NPHP3: variants seen among roughly 807,000 people sequenced by gnomAD.
NPHP3 encodes the protein nephrocystin 3.
In NPHP3, 123 loss-of-function variants were observed where a neutral mutation model predicts 171.9. The ratio of observed to expected loss-of-function variants is 0.72; its 90% CI spans 0.62 to 0.83. NPHP3 has a LOEUF of 0.83. Ranked by LOEUF, NPHP3 falls within the 40% of genes least tolerant of loss-of-function variation. NPHP3 has a pLI of 0.00. For synonymous variants in NPHP3, 558 were observed against 579.2 expected (o/e 0.96, Z 0.52); for missense variants, 1,506 against 1,591.9 (o/e 0.95, Z 0.92).
At chr3:132,699,255 T>TA (rs1320266533) in intron 13 of NPHP3, 98 bp downstream of exon 13, 5 of 821,952 alleles carry the variant, frequency 6.1e-6, no homozygotes, top group Non-Finnish European at 1.0e-5. Flanking sequence ...GCAAGTTACA[T>TA]AAAAAATGTG....
intron 9 of NPHP3, among the ~76,000 whole-genome samples, chr3:132,703,668 C>T (rs1576675258): frequency 6.6e-6 from 1 of 151,460 alleles, no homozygotes; most frequent in African/African-American, 2.4e-5. Flanking sequence ...CAGCCCTGAC[C>T]TCCTGTGCTC....
In NPHP3 at chr3:132,722,001, G is replaced by A. The variant is rs1258394260; in HGVS notation, c.355C>T (p.Leu119=). ...CGCAGCCGCTTGTTCTCCGTGTCCAGCTTGGCCTCGCGGCGGCCCATGGAC... is the reference window on the plus strand; with the variant it reads ...CGCAGCCGCTTGTTCTCCGTGTCCAACTTGGCCTCGCGGCGGCCCATGGAC... ...LLSMGRREAK[L]DTENKRLRAE... Residue 119 remains leucine (L), a synonymous_variant, in exon 1 of 27, where the codon CTG becomes TTG. Coordinates refer to ENST00000337331, the MANE Select transcript of NPHP3 (RefSeq NM_153240.5). The A allele has an allele frequency of 1.2e-6, 2 of 1,613,182 alleles. No homozygotes were observed. Among genetic ancestry groups the A allele is most frequent in the South Asian group, 1.1e-5 (1 of 91,084 alleles).
In NPHP3 at chr3:132,680,910, CA is replaced by C. The variant is rs1333105101; in HGVS notation, c.*999del. Reference sequence around the variant, plus strand: ...GTCATATCTATATTTTGGGAAAAGTCAAAGAATGCTAAAGAGCTTGACCTGT... The same window carrying C: ...GTCATATCTATATTTTGGGAAAAGTCAAGAATGCTAAAGAGCTTGACCTGT... On this transcript the variant is annotated 3_prime_UTR_variant, in exon 27 of 27. Transcript: ENST00000337331. 2 of 152,078 alleles carry C rather than the reference CA, an allele frequency of 1.3e-5. No individual in the cohort carries two copies. Among genetic ancestry groups the C allele is most frequent in the Non-Finnish European group, 2.9e-5 (2 of 68,004 alleles). 9.4% of individuals were successfully genotyped at this position (152,078 alleles called of 1,614,324 possible). A position where few individuals can be genotyped will look rare whatever the true frequency, so the allele number is the denominator to read the frequency against.
In NPHP3 at chr3:132,681,097, A is replaced by C. The variant is rs1939014190; in HGVS notation, c.*813T>G. The C allele has an allele frequency of 6.6e-6, 1 of 152,220 alleles. No individual in the cohort carries two copies. Among genetic ancestry groups the C allele is most frequent in the African/African-American group, 2.4e-5 (1 of 41,472 alleles). 9.4% of individuals were successfully genotyped at this position (152,220 alleles called of 1,614,324 possible). A position where few individuals can be genotyped will look rare whatever the true frequency, so the allele number is the denominator to read the frequency against. ...GCAGCAATCAGGGATTCTTGTGACT[A>C]ATGTGTTTCACTGAAGACAATTTGA... On this transcript the variant is annotated 3_prime_UTR_variant, in exon 27 of 27. Coordinates refer to ENST00000337331, the MANE Select transcript of NPHP3 (RefSeq NM_153240.5).
intron 3 of NPHP3, chr3:132,717,921 C>T (rs1361633443): frequency 3.2e-6 from 1 of 312,312 alleles, no homozygotes; most frequent in Non-Finnish European, 6.2e-6. Context: ...CCATGCCCAG[C>T]TAATTTTTGT....
chr3:132,682,808 A>G lies in NPHP3; in HGVS notation c.3707T>C (p.Val1236Ala). ...AVLYSQMKKH[V>A]EALPLYERAL... ...TCTTTCATATAATGGCAAAGCTTCA[A>G]CGTGTTTTTTCTTATTAAAAAAAAT... is the stretch of plus-strand genomic sequence containing the variant. Residue 1236 changes from valine to alanine, a missense_variant, in exon 26 of 27, where the codon GTT becomes GCT. Val to Ala is a moderately conservative substitution (Grantham distance 64). Coordinates refer to ENST00000337331, the MANE Select transcript of NPHP3 (RefSeq NM_153240.5). 1.2e-6 allele frequency: 2 copies of G among 1,606,976 alleles called. No homozygotes were observed. The highest frequency in any genetic ancestry group is 1.7e-6 in the Non-Finnish European group (2 of 1,173,542).
intron 6 of NPHP3, among the ~76,000 whole-genome samples, chr3:132,708,812 T>C (rs1023827782): frequency 2.0e-5 from 3 of 152,126 alleles, no homozygotes; most frequent in Admixed American, 6.5e-5. Context: ...CAATGAAACA[T>C]AGGAGCTAAA....
At chr3:132,714,445 G>C (rs926078892) in intron 5 of NPHP3, among the ~76,000 whole-genome samples, 2 of 151,788 alleles carry the variant, frequency 1.3e-5, no homozygotes, top group Non-Finnish European at 2.9e-5. Context: ...AGCTGGAAGA[G>C]AGAGTAACTA....
At chr3:132,716,590 ATCCTTCCTTGTTAGT>A (rs1316732198) in intron 4 of NPHP3, among the ~76,000 whole-genome samples, 152 bp downstream of exon 4, 3 of 152,154 alleles carry the variant, frequency 2.0e-5, no homozygotes. Flanking sequence ...ATGCAACCTC[ATCCTTCCTTGTTAGT>A]TACAGCCCCA....
At position 132,722,137 on chromosome 3, in the gene NPHP3, G is replaced by A. The variant is rs1458510799; in HGVS notation, c.219C>T (p.Ser73=). 6.2e-7 allele frequency: 1 copy of A among 1,600,276 alleles called. No individual in the cohort carries two copies. Among genetic ancestry groups the A allele is most frequent in the African/African-American group, 1.3e-5 (1 of 74,384 alleles). The change falls in exon 1 of 27, where the codon AGC becomes AGT. Residue 73 remains serine, a synonymous_variant. Transcript: ENST00000337331. The stretch of plus-strand genomic sequence containing the variant: ...GCACCGACGAGCCAGTGGACTTGAA[G>A]CTGGCCCCCAGCAGCCCGCCCGCGC... The part of the protein sequence containing the change: ...GVGAGGLLGA[S]FKSTGSSVPE...
At chr3:132,696,517 T>G (rs1939457954) in intron 15 of NPHP3, among the ~76,000 whole-genome samples, 1 of 152,146 alleles carries the variant, frequency 6.6e-6, no homozygotes, top group Non-Finnish European at 1.5e-5. Flanking sequence ...CAGATTAGTG[T>G]GAAGAAAATT....
intron 6 of NPHP3, among the ~76,000 whole-genome samples, chr3:132,710,473 A>C (rs1470850465): frequency 6.6e-6 from 1 of 152,098 alleles, no homozygotes; most frequent in Non-Finnish European, 1.5e-5. Context: ...CCCTGAGGAA[A>C]ACCAGTCACA....
chr3:132,684,680 C>A lies in NPHP3; in HGVS notation c.3444G>T (p.Lys1148Asn). The stretch of plus-strand genomic sequence containing the variant: ...GTTCTTCTGCTTTATCATACTGTTT[C>A]TTTTCATTGCATAGAGCTGCCAGAT... ...LNNLAALCNE[K>N]KQYDKAEELY... Residue 1148 changes from lysine to asparagine, a missense_variant, in exon 24 of 27, where the codon AAG becomes AAT. Lys to Asn is a moderately conservative substitution (Grantham distance 94). Transcript: ENST00000337331. 6.2e-7 allele frequency: 1 copy of A among 1,614,058 alleles called. No homozygotes were observed.
At chr3:132,717,106 C>A in intron 3 of NPHP3, 197 bp from the exon 4 acceptor site, 7 of 539,624 alleles carry the variant, frequency 1.3e-5, no homozygotes, top group South Asian at 7.6e-5. Flanking sequence ...GTTATCATCT[C>A]AAATTCAAAG....
At chr3:132,683,629 G>A in intron 24 of NPHP3, 105 bp from the exon 25 acceptor site, 1 of 866,234 alleles carries the variant, frequency 1.2e-6, no homozygotes, top group Non-Finnish European at 1.8e-6. Context: ...AATTTTGAGG[G>A]AAAAAAATCT....
intron 9 of NPHP3, among the ~76,000 whole-genome samples, 153 bp from the exon 10 acceptor site, chr3:132,701,686 T>C (rs1321553381): frequency 6.6e-6 from 1 of 152,346 alleles, no homozygotes; most frequent in East Asian, 1.9e-4. Flanking sequence ...AATTGCCTAC[T>C]TTTATGGCTG....
chr3:132,720,413 C>T (rs924956476), intron 1 of NPHP3, among the ~76,000 whole-genome samples: 3 of 152,172 alleles, frequency 2.0e-5, no homozygotes, highest in Non-Finnish European at 2.9e-5. Flanking sequence ...TATTGCACTC[C>T]GCCCTGTTTG....
chr3:132,694,270 C>A (rs1939385087), intron 16 of NPHP3, among the ~76,000 whole-genome samples: 2 of 151,996 alleles, frequency 1.3e-5, no homozygotes, highest in Non-Finnish European at 2.9e-5. Context: ...TAGAATCCTT[C>A]CTCACACAAT....
chr3:132,717,008 G>C, intron 3 of NPHP3, 99 bp from the exon 4 acceptor site: 1 of 1,258,242 alleles, frequency 7.9e-7, no homozygotes, highest in South Asian at 1.3e-5. Context: ...TAAAAAATAT[G>C]AAAATATTAC....
Sources: gnomAD v4.1 joint callset for allele counts (sites outside exome capture counted in the v4.1 genomes callset) on GRCh38, gnomAD v4.1.1 for gene constraint, MANE v1.5 for transcripts, NCBI Gene and HGNC (gene_info 2026-07-23, HGNC 2026-07-21) for gene names.